BCKDHB: variants seen among roughly 807,000 people sequenced by gnomAD.
BCKDHB encodes 2-oxoisovalerate dehydrogenase subunit beta, mitochondrial.
In BCKDHB, 41 loss-of-function variants were observed where a neutral mutation model predicts 48.5. The ratio of observed to expected loss-of-function variants is 0.85; its 90% CI spans 0.66 to 1.10. The LOEUF is 1.10. Among genes scored for constraint, BCKDHB ranks in the 50% least tolerant of loss-of-function variants. The probability of loss-of-function intolerance (pLI) is 0.00; values close to 1 mark genes in which losing one functional copy is unlikely to be tolerated. For missense variants in BCKDHB, 496 were observed against 494.2 expected, an observed-to-expected ratio of 1.00 and a Z score of -0.03; for synonymous variants, 201 against 174.8, an observed-to-expected ratio of 1.15 and a Z score of -1.18.
At chr6:80,447,681 T>C in the BCKDHB span, among the ~76,000 whole-genome samples, 1 of 152,150 alleles carries the variant, frequency 6.6e-6, no homozygotes, top group Non-Finnish European at 1.5e-5. Context: ...TTTCTAGAAT[T>C]TGTGTAAATA....
intron 8 of BCKDHB, among the ~76,000 whole-genome samples, chr6:80,224,055 T>C (rs1200273238): frequency 6.6e-6 from 1 of 152,192 alleles, no homozygotes; most frequent in African/African-American, 2.4e-5. Context: ...TTCCATGTGA[T>C]TGAAAATGTT....
the BCKDHB span, among the ~76,000 whole-genome samples, chr6:80,419,149 G>A: frequency 6.6e-6 from 1 of 152,204 alleles, no homozygotes; most frequent in East Asian, 1.9e-4. Flanking sequence ...ACTCTCACGT[G>A]CTGACAGGGC....
At chr6:80,284,240 T>C (rs1351825365) in intron 9 of BCKDHB, among the ~76,000 whole-genome samples, 1 of 152,164 alleles carries the variant, frequency 6.6e-6, no homozygotes, top group Non-Finnish European at 1.5e-5. Flanking sequence ...AGAGATTCAC[T>C]ACTGCTGATG....
chr6:80,407,569 C>T, the BCKDHB span, among the ~76,000 whole-genome samples: 2 of 152,172 alleles, frequency 1.3e-5, no homozygotes, highest in Non-Finnish European at 2.9e-5. Context: ...ATGTCCTTCA[C>T]AATTCTTGTA....
intron 9 of BCKDHB, among the ~76,000 whole-genome samples, chr6:80,342,678 G>A (rs1000353377): frequency 1.3e-5 from 2 of 151,840 alleles, no homozygotes; most frequent in African/African-American, 4.8e-5. Context: ...AGTGGTCACA[G>A]CTACTTGGTA....
At chr6:80,234,158 C>T (rs1285378385) in intron 8 of BCKDHB, among the ~76,000 whole-genome samples, 2 of 152,226 alleles carry the variant, frequency 1.3e-5, no homozygotes, top group Admixed American at 6.5e-5. Context: ...TGCTCACCTC[C>T]TGCTGAGTGG....
chr6:80,274,312 G>C (rs1258499088), intron 9 of BCKDHB, among the ~76,000 whole-genome samples: 1 of 151,904 alleles, frequency 6.6e-6, no homozygotes, highest in East Asian at 1.9e-4. Flanking sequence ...TTTATATGTA[G>C]TCACTGATAG....
At chr6:80,422,078 G>A in the BCKDHB span, among the ~76,000 whole-genome samples, 15 of 152,146 alleles carry the variant, frequency 9.9e-5, no homozygotes, top group Admixed American at 9.8e-4. Context: ...TAGAAGTCTA[G>A]GAGGTAAAAA....
Position 80,200,941 on chromosome 6 carries a change from A to G in BCKDHB, c.750A>G (p.Glu250=). The G allele has an allele frequency of 6.2e-7, 1 of 1,608,328 alleles. No homozygotes were observed. Among genetic ancestry groups the G allele is most frequent in the Non-Finnish European group, 8.5e-7 (1 of 1,175,016 alleles). The stretch of plus-strand genomic sequence containing the variant: ...TTCCTGTTCTGTATTTAGCGGAAGA[A>G]GTCCCTATAGAACCATACAACATCC... ...PKILYRAAAE[E]VPIEPYNIPL... is the part of the protein sequence containing the mutation. Residue 250 remains glutamate, a synonymous_variant, in exon 7 of 10, where the codon GAA becomes GAG. Coordinates refer to ENST00000320393, the MANE Select transcript of BCKDHB (RefSeq NM_183050.4).
At chr6:80,192,293 A>G (rs771892748) in intron 6 of BCKDHB, among the ~76,000 whole-genome samples, 16 of 151,916 alleles carry the variant, frequency 1.1e-4, no homozygotes, top group Admixed American at 3.9e-4. Flanking sequence ...TTCCCTTTTA[A>G]ACTCTATGTG....
intron 1 of BCKDHB, among the ~76,000 whole-genome samples, chr6:80,107,769 A>G (rs145315968): frequency 4.6e-5 from 7 of 152,060 alleles, no homozygotes; most frequent in African/African-American, 1.7e-4. Context: ...GGAGGAAGCC[A>G]TAGGAAGGGC....
At chr6:80,288,438 CT>C (rs1766736309) in intron 9 of BCKDHB, among the ~76,000 whole-genome samples, 1 of 151,866 alleles carries the variant, frequency 6.6e-6, no homozygotes, top group African/African-American at 2.4e-5. Context: ...ATTCATCAAC[CT>C]TAGGGTCTAC....
the BCKDHB span, among the ~76,000 whole-genome samples, chr6:80,378,597 A>G: frequency 3.3e-5 from 5 of 152,134 alleles, no homozygotes; most frequent in Admixed American, 3.3e-4. Context: ...TGCGATGAAC[A>G]TATGAGTGCA....
At chr6:80,218,453 G>A (rs1052571024) in intron 8 of BCKDHB, among the ~76,000 whole-genome samples, 4 of 152,038 alleles carry the variant, frequency 2.6e-5, no homozygotes, top group Admixed American at 6.6e-5. Flanking sequence ...ACACGCACAC[G>A]TATGTGTGTG....
chr6:80,223,185 TTATATC>T (rs1775539414), intron 8 of BCKDHB, among the ~76,000 whole-genome samples: 1 of 152,196 alleles, frequency 6.6e-6, no homozygotes. Context: ...ATGTTCCAAA[TTATATC>T]TATCATTGTG....
chr6:80,378,985 G>T, the BCKDHB span, among the ~76,000 whole-genome samples: 1 of 152,072 alleles, frequency 6.6e-6, no homozygotes, highest in Non-Finnish European at 1.5e-5. Context: ...ACCAGGACCA[G>T]ACAGATACAC....
the BCKDHB span, chr6:80,356,863 T>G: frequency 6.6e-6 from 1 of 151,706 alleles, no homozygotes; most frequent in Admixed American, 6.6e-5. Flanking sequence ...TCTCAAACTT[T>G]CTCTGTCTCT....
intron 8 of BCKDHB, among the ~76,000 whole-genome samples, chr6:80,239,650 T>C (rs1373889748): frequency 6.6e-6 from 1 of 152,192 alleles, no homozygotes; most frequent in Non-Finnish European, 1.5e-5. Context: ...CCATTGCTTT[T>C]GGTGTTTTAG....
intron 9 of BCKDHB, among the ~76,000 whole-genome samples, chr6:80,312,882 T>A (rs1768238516): frequency 6.6e-6 from 1 of 152,176 alleles, no homozygotes; most frequent in African/African-American, 2.4e-5. Flanking sequence ...GATATTGGCC[T>A]AAAGTTTTTT....
Sources: gnomAD v4.1 joint callset for allele counts (sites outside exome capture counted in the v4.1 genomes callset) on GRCh38, gnomAD v4.1.1 for gene constraint, MANE v1.5 for transcripts, NCBI Gene and HGNC (gene_info 2026-07-23, HGNC 2026-07-21) for gene names.